Variants in PTPRT observed in about 807,000 individuals in gnomAD.
The protein encoded by PTPRT is protein tyrosine phosphatase receptor type T.
A neutral mutation model predicts 176.8 loss-of-function variants in PTPRT; 56 were observed. The observed-to-expected ratio is 0.32, with a 90% confidence interval of 0.26 to 0.40. The LOEUF (loss-of-function observed/expected upper bound fraction) is 0.40, where lower values mean the gene tolerates loss of function less well. Ranked by LOEUF, PTPRT falls within the 10% of genes least tolerant of loss-of-function variation. The probability of loss-of-function intolerance (pLI) is 1.00; values close to 1 mark genes in which losing one functional copy is unlikely to be tolerated. For synonymous variants in PTPRT, 783 were observed against 739.0 expected, an observed-to-expected ratio of 1.06 and a Z score of -0.96; for missense variants, 1,540 against 1,908.2, an observed-to-expected ratio of 0.81 and a Z score of 3.60.
At chr20:42,072,702 A>G (rs1052385886), downstream of PTPRT, 1 of 192,368 alleles carries the variant, frequency 5.2e-6, no homozygotes, top group African/African-American at 2.3e-5. Flanking sequence ...TCCTCCTTCA[A>G]CTTGTCCCCA....
rs535559967 is a variant in PTPRT, at chr20:42,139,893, C to T, written c.2770+2022G>A. Among the ~76,000 whole-genome samples the T allele has an allele frequency of 3.3e-5, 5 of 152,366 alleles. No homozygotes were observed. The East Asian group carries it at 9.6e-4, about 29-fold the overall frequency. On this transcript the variant is annotated intron_variant, in intron 18 of 30. Coordinates refer to ENST00000373187, the MANE Select transcript of PTPRT (RefSeq NM_007050.6). ...CATCACAGGGCCTGCTTTGAGGAGG[C>T]CCACATGTCATAAGTCTTAATACAT...
intron 2 of PTPRT, among the ~76,000 whole-genome samples, chr20:42,804,824 G>C (rs938920992): frequency 2.0e-5 from 3 of 152,128 alleles, no homozygotes; most frequent in African/African-American, 7.2e-5. Flanking sequence ...GTTTATCCCT[G>C]TGTGCATCTG....
intron 2 of PTPRT, among the ~76,000 whole-genome samples, chr20:42,871,902 T>G (rs764376825): frequency 2.9e-4 from 44 of 152,352 alleles, no homozygotes; most frequent in Non-Finnish European, 5.7e-4. Flanking sequence ...CACATCATGC[T>G]TATATATGTT....
chr20:42,436,147 T>C (rs2059260301), intron 9 of PTPRT, among the ~76,000 whole-genome samples: 1 of 152,230 alleles, frequency 6.6e-6, no homozygotes, highest in South Asian at 2.1e-4. Flanking sequence ...TATGCAACTT[T>C]TAGCAGAAAT....
At chr20:42,942,686 C>T (rs1385045332) in intron 1 of PTPRT, among the ~76,000 whole-genome samples, 1 of 152,110 alleles carries the variant, frequency 6.6e-6, no homozygotes, top group Non-Finnish European at 1.5e-5. Flanking sequence ...AAGTTCAAAC[C>T]CTATCTTCAC....
At chr20:43,187,369 A>G (rs1362060150) in intron 1 of PTPRT, among the ~76,000 whole-genome samples, 1 of 152,244 alleles carries the variant, frequency 6.6e-6, no homozygotes, top group Non-Finnish European at 1.5e-5. Context: ...GATTTGAAAT[A>G]CTAACAATTT....
intron 11 of PTPRT, among the ~76,000 whole-genome samples, chr20:42,340,817 A>G (rs1464266918): frequency 6.7e-6 from 1 of 149,312 alleles, no homozygotes; most frequent in Non-Finnish European, 1.5e-5. Context: ...GGCCCAGAAC[A>G]GTGGGAGAAG....
intron 1 of PTPRT, among the ~76,000 whole-genome samples, chr20:42,934,035 T>C (rs1203645280): frequency 1.3e-5 from 2 of 152,264 alleles, no homozygotes; most frequent in African/African-American, 4.8e-5. Flanking sequence ...TTCAGATTCC[T>C]ATAAATACCA....
intron 26 of PTPRT, among the ~76,000 whole-genome samples, chr20:42,100,724 G>A (rs1985851216): frequency 6.6e-6 from 1 of 152,196 alleles, no homozygotes; most frequent in South Asian, 2.1e-4. Context: ...CACACATAAT[G>A]CACACCTACA....
intron 1 of PTPRT, among the ~76,000 whole-genome samples, chr20:43,108,674 C>T (rs963139438): frequency 6.6e-6 from 1 of 151,948 alleles, no homozygotes; most frequent in African/African-American, 2.4e-5. Context: ...TAAAGCACTC[C>T]AAATTCCCTA....
Position 42,485,376 on chromosome 20 carries a change from C to T in PTPRT, c.1154-12814G>A, listed in dbSNP as rs150987454. On this transcript the variant is annotated intron_variant, in intron 7 of 30. Coordinates refer to ENST00000373187, the MANE Select transcript of PTPRT (RefSeq NM_007050.6). ...AAACATTTCTGATGGTCAAAAGCCA[C>T]CTAGCACTGGGCCCTGGTGAGGTAT... is the stretch of plus-strand genomic sequence containing the variant. Among the ~76,000 whole-genome samples the T allele has an allele frequency of 2.1e-3, 315 of 152,236 alleles. 2 individuals carry two copies. The highest frequency in any genetic ancestry group is 0.01 in the Middle Eastern group (3 of 294).
At chr20:42,617,533 C>A (rs1231712686) in intron 7 of PTPRT, among the ~76,000 whole-genome samples, 1 of 135,672 alleles carries the variant, frequency 7.4e-6, no homozygotes, top group Non-Finnish European at 1.5e-5. Flanking sequence ...CCTCCTTGTA[C>A]CTCTGGTAGA....
chr20:43,173,751 G>T (rs1600771288), intron 1 of PTPRT, among the ~76,000 whole-genome samples: 1 of 152,322 alleles, frequency 6.6e-6, no homozygotes, highest in African/African-American at 2.4e-5. Flanking sequence ...ACAGGTGAGG[G>T]TCCTTCCCTC....
intron 1 of PTPRT, among the ~76,000 whole-genome samples, chr20:43,090,266 G>A (rs886992894): frequency 6.0e-4 from 91 of 150,954 alleles, no homozygotes; most frequent in African/African-American, 1.7e-3. Context: ...AAGAACAGGT[G>A]ACTATTTTTT....
intron 6 of PTPRT, among the ~76,000 whole-genome samples, chr20:42,721,484 G>A (rs1242245247): frequency 6.6e-6 from 1 of 152,212 alleles, no homozygotes; most frequent in Non-Finnish European, 1.5e-5. Flanking sequence ...CGACCAATCA[G>A]ACAAGGGCTG....
At chr20:42,408,327 T>G (rs1045390066) in intron 9 of PTPRT, among the ~76,000 whole-genome samples, 13 of 152,172 alleles carry the variant, frequency 8.5e-5, no homozygotes, top group Non-Finnish European at 1.8e-4. Context: ...AGAGATTCAA[T>G]TTTATATGAG....
chr20:42,769,273 AACC>A (rs1452167313), intron 5 of PTPRT, among the ~76,000 whole-genome samples: 1 of 152,204 alleles, frequency 6.6e-6, no homozygotes, highest in African/African-American at 2.4e-5. Context: ...GGATTTTTCT[AACC>A]ACAGGAAATG....
intron 1 of PTPRT, among the ~76,000 whole-genome samples, chr20:43,186,423 C>T (rs1213278533): frequency 1.3e-5 from 2 of 151,842 alleles, no homozygotes; most frequent in Admixed American, 6.6e-5. Flanking sequence ...CAAGGACCAC[C>T]GCCTACACAG....
intron 5 of PTPRT, among the ~76,000 whole-genome samples, chr20:42,769,178 C>G (rs116755665): frequency 1.3e-5 from 2 of 152,158 alleles, no homozygotes; most frequent in Admixed American, 1.3e-4. Context: ...AGGTATTTCA[C>G]GCTGCTGTGC....
Sources: gnomAD v4.1 joint callset for allele counts (sites outside exome capture counted in the v4.1 genomes callset) on GRCh38, gnomAD v4.1.1 for gene constraint, MANE v1.5 for transcripts, NCBI Gene and HGNC (gene_info 2026-07-23, HGNC 2026-07-21) for gene names.